The following TENM2 variants were observed in gnomAD, a reference collection of about 807,000 sequenced individuals.
TENM2 encodes teneurin-2.
Under a neutral mutation model 245.2 loss-of-function variants are expected in TENM2, and 52 were observed. That is an observed-to-expected ratio of 0.21 (90% confidence interval 0.17 to 0.27). TENM2 has a LOEUF of 0.27. TENM2 is among the 10% of genes least tolerant of loss of function. TENM2 has a pLI of 1.00. For missense variants in TENM2, 3,046 were observed against 3,666.8 expected (o/e 0.83, Z 4.37); for synonymous variants, 1,363 against 1,438.9 (o/e 0.95, Z 1.19).
At chr5:167,512,586 T>C (rs1398255714) in intron 2 of TENM2, among the ~76,000 whole-genome samples, 1 of 152,168 alleles carries the variant, frequency 6.6e-6, no homozygotes, top group East Asian at 1.9e-4. Context: ...ATAGCATCTT[T>C]TGTATGTTTA....
chr5:167,099,778 T>G, the TENM2 span, among the ~76,000 whole-genome samples: 1 of 152,182 alleles, frequency 6.6e-6, no homozygotes, highest in Non-Finnish European at 1.5e-5. Context: ...TCTCTGTAGC[T>G]CTCTCTCAAA....
intron 2 of TENM2, among the ~76,000 whole-genome samples, chr5:167,585,706 T>G (rs1290606199): frequency 1.3e-5 from 2 of 152,162 alleles, no homozygotes; most frequent in African/African-American, 4.8e-5. Flanking sequence ...ATTTATATAA[T>G]AATAGAATAA....
At position 167,458,488 on chromosome 5, in the gene TENM2, AAAAAAC is replaced by A. The variant is rs1485173592; in HGVS notation, c.502+83021_502+83026del. On this transcript the variant is annotated intron_variant, in intron 2 of 28. Transcript: ENST00000518659. ...GGCGACAAAGCAAGACTCCGTCTCA[AAAAAAC>A]AAAAAAAAAAAAAAAAAAAAAAGAC... Among the ~76,000 whole-genome samples, 253 of 109,814 alleles carry A rather than the reference AAAAAAC, an allele frequency of 2.3e-3. 3 individuals are homozygous for A. The highest frequency in any genetic ancestry group is 6.4e-3 in the African/African-American group (203 of 31,724). 72.0% of individuals were successfully genotyped at this position (109,814 alleles called of 152,430 possible).
chr5:167,003,213 G>A, the TENM2 span, among the ~76,000 whole-genome samples: 10 of 152,148 alleles, frequency 6.6e-5, no homozygotes, highest in African/African-American at 2.4e-4. Context: ...AAACAGACAT[G>A]ATAAAATCTT....
the TENM2 span, among the ~76,000 whole-genome samples, chr5:167,038,050 C>A: frequency 6.6e-6 from 1 of 152,180 alleles, no homozygotes; most frequent in Non-Finnish European, 1.5e-5. Context: ...GAAGGCAGAA[C>A]AGGTACAGGA....
intron 19 of TENM2, among the ~76,000 whole-genome samples, chr5:168,211,426 TGTTTGCCATC>T (rs1762796205): frequency 1.3e-5 from 2 of 152,242 alleles, no homozygotes; most frequent in Admixed American, 1.3e-4. Flanking sequence ...AGATATAACC[TGTTTGCCATC>T]CCTTCCTTAG....
intron 1 of TENM2, among the ~76,000 whole-genome samples, chr5:167,300,450 G>A (rs550122249): frequency 6.6e-6 from 1 of 152,294 alleles, no homozygotes; most frequent in East Asian, 1.9e-4. Context: ...GCACCATGGG[G>A]TGGATAGGCA....
At chr5:167,212,083 C>CCAATTCAAATT in the TENM2 span, among the ~76,000 whole-genome samples, 1 of 152,166 alleles carries the variant, frequency 6.6e-6, no homozygotes, top group African/African-American at 2.4e-5. Context: ...ACCCCAAGTT[C>CCAATTCAAATT]TGTCGATTCA....
chr5:168,261,253 G>A (rs1389614340), intron 28 of TENM2, among the ~76,000 whole-genome samples: 2 of 152,142 alleles, frequency 1.3e-5, no homozygotes, highest in Non-Finnish European at 2.9e-5. Context: ...TTTGCGAGTG[G>A]AGAACTCAAG....
At chr5:167,620,452 G>T (rs1020348123) in intron 2 of TENM2, among the ~76,000 whole-genome samples, 1 of 150,684 alleles carries the variant, frequency 6.6e-6, no homozygotes, top group Non-Finnish European at 1.5e-5. Context: ...TTTTTAACTT[G>T]TGAATAGGTT....
the TENM2 span, among the ~76,000 whole-genome samples, chr5:167,031,206 T>C: frequency 0.38 from 57,522 of 152,160 alleles, 12,855 homozygotes; most frequent in South Asian, 0.56. Context: ...AGTCTAGGAT[T>C]GAGAAATCCA....
chr5:167,428,171 G>A (rs1487936375), intron 2 of TENM2, among the ~76,000 whole-genome samples: 3 of 152,144 alleles, frequency 2.0e-5, no homozygotes, highest in Admixed American at 1.3e-4. Context: ...TAGATACAGA[G>A]ATCATGCTGT....
chr5:167,789,728 C>G (rs1382554987), intron 2 of TENM2, among the ~76,000 whole-genome samples: 1 of 152,132 alleles, frequency 6.6e-6, no homozygotes, highest in Non-Finnish European at 1.5e-5. Context: ...TTCTTTGGTA[C>G]TAAAGGTAGT....
intron 2 of TENM2, among the ~76,000 whole-genome samples, chr5:167,856,563 T>C (rs572747897): frequency 2.6e-5 from 4 of 152,296 alleles, no homozygotes; most frequent in African/African-American, 9.6e-5. Flanking sequence ...GATTTTCAGC[T>C]GGGAACTGAA....
chr5:168,046,842 G>A (rs1423273482), intron 5 of TENM2, among the ~76,000 whole-genome samples: 1 of 152,140 alleles, frequency 6.6e-6, no homozygotes, highest in Non-Finnish European at 1.5e-5. Flanking sequence ...GGAGTGGAAA[G>A]GAAAAATATT....
chr5:167,548,248 T>C (rs2127616922), intron 2 of TENM2, among the ~76,000 whole-genome samples: 1 of 152,312 alleles, frequency 6.6e-6, no homozygotes, highest in Admixed American at 6.5e-5. Flanking sequence ...GAAAGGACTC[T>C]TTTGTGTTGA....
rs557323106 is a variant in TENM2 at position 167,965,891 on chromosome 5, T to C, written c.947+13069T>C. The stretch of plus-strand genomic sequence containing the variant: ...CATATTCTTAATGACCATATGATAA[T>C]GCCTGGGGAACTAGGAAGGGCGGGG... On this transcript the variant is annotated intron_variant, in intron 4 of 28. Coordinates refer to ENST00000518659, the Ensembl canonical transcript of TENM2. Among the ~76,000 whole-genome samples the C allele has an allele frequency of 3.9e-5, 6 of 152,300 alleles. No individual in the cohort carries two copies. The East Asian group carries it at 1.2e-3, about 29-fold the overall frequency.
intron 5 of TENM2, among the ~76,000 whole-genome samples, chr5:168,011,315 G>A (rs529702766): frequency 1.3e-5 from 2 of 152,256 alleles, no homozygotes; most frequent in South Asian, 2.1e-4. Context: ...AAGTCAGTGC[G>A]CCCTCACATC....
At chr5:167,506,791 A>G (rs1769582547) in intron 2 of TENM2, among the ~76,000 whole-genome samples, 1 of 152,178 alleles carries the variant, frequency 6.6e-6, no homozygotes, top group Non-Finnish European at 1.5e-5. Context: ...TGTTTTTAGT[A>G]TCATTCATGA....
Sources: allele counts gnomAD v4.1 joint callset (sites outside exome capture counted in the v4.1 genomes callset), GRCh38; gene constraint gnomAD v4.1.1; transcripts MANE v1.5; gene names NCBI Gene and HGNC (gene_info 2026-07-23, HGNC 2026-07-21).